RALYL: variants seen among roughly 807,000 people sequenced by gnomAD.
The protein encoded by RALYL is RNA-binding Raly-like protein.
In RALYL, 29 loss-of-function variants were observed where a neutral mutation model predicts 35.1. The ratio of observed to expected loss-of-function variants is 0.83; its 90% CI spans 0.61 to 1.13. The LOEUF is 1.13. RALYL is among the 50% of genes most tolerant of loss of function. The pLI is 0.00. For synonymous variants in RALYL, 120 were observed against 127.6 expected (o/e 0.94, Z 0.40); for missense variants, 359 against 360.4 (o/e 1.00, Z 0.03).
chr8:84,408,684 A>C (rs1416242702), intron 1 of RALYL, among the ~76,000 whole-genome samples: 1 of 152,188 alleles, frequency 6.6e-6, no homozygotes, highest in African/African-American at 2.4e-5. Context: ...GGAGACAACC[A>C]TGGACGCTTG....
At chr8:84,345,892 A>T (rs969076079) in intron 1 of RALYL, among the ~76,000 whole-genome samples, 1 of 152,096 alleles carries the variant, frequency 6.6e-6, no homozygotes, top group African/African-American at 2.4e-5. Context: ...GGTACCATGG[A>T]CTGTGCATCA....
chr8:84,664,759 G>A (rs770908150), intron 2 of RALYL, among the ~76,000 whole-genome samples: 10 of 151,880 alleles, frequency 6.6e-5, no homozygotes, highest in East Asian at 1.9e-4. Context: ...ATATAGGATC[G>A]TGTCATCTAC....
chr8:84,760,561 T>G (rs1277632388), intron 2 of RALYL, among the ~76,000 whole-genome samples: 1 of 152,184 alleles, frequency 6.6e-6, no homozygotes, highest in South Asian at 2.1e-4. Flanking sequence ...CCTATCACAG[T>G]TGGATTTTAA....
chr8:84,340,032 T>G (rs1848514428), intron 1 of RALYL, among the ~76,000 whole-genome samples: 1 of 152,116 alleles, frequency 6.6e-6, no homozygotes, highest in Admixed American at 6.6e-5. Context: ...TCATGAGATC[T>G]GATGGTTTTA....
At chr8:84,431,736 T>G (rs1190873878) in intron 1 of RALYL, among the ~76,000 whole-genome samples, 1 of 152,146 alleles carries the variant, frequency 6.6e-6, no homozygotes, top group East Asian at 1.9e-4. Context: ...ATTTCCTTTT[T>G]CTGTGGCTGA....
At chr8:84,883,028 T>G (rs150287430) in intron 7 of RALYL, among the ~76,000 whole-genome samples, 1 of 152,036 alleles carries the variant, frequency 6.6e-6, no homozygotes, top group Non-Finnish European at 1.5e-5. Flanking sequence ...GTTTAGTGAT[T>G]ATAATATTTC....
At chr8:84,480,880 A>C (rs1245310380) in intron 1 of RALYL, among the ~76,000 whole-genome samples, 4 of 152,164 alleles carry the variant, frequency 2.6e-5, no homozygotes, top group African/African-American at 9.6e-5. Context: ...TGACCTTATA[A>C]AGTAAGGAGC....
At chr8:84,331,560 G>C (rs1846830284) in intron 1 of RALYL, among the ~76,000 whole-genome samples, 1 of 152,096 alleles carries the variant, frequency 6.6e-6, no homozygotes, top group Non-Finnish European at 1.5e-5. Flanking sequence ...TATGCATCCA[G>C]AAGTGTTGGT....
chr8:84,192,653 G>C (rs1814199467), intron 1 of RALYL, among the ~76,000 whole-genome samples: 1 of 151,894 alleles, frequency 6.6e-6, no homozygotes, highest in Admixed American at 6.6e-5. Context: ...CGCTTACCAT[G>C]TTCAAGCAAT....
intron 2 of RALYL, among the ~76,000 whole-genome samples, chr8:84,698,117 C>G (rs967854918): frequency 1.4e-4 from 21 of 152,092 alleles, no homozygotes; most frequent in Non-Finnish European, 1.5e-5. Flanking sequence ...CAAACGTACA[C>G]ACTCCAGCTC....
rs542025568 is a variant in RALYL, at chr8:84,661,767, A to G, written c.257-112812A>G. On this transcript the variant is annotated intron_variant, in intron 2 of 8. Transcript: ENST00000521268. ...ATCTAGCAGTTTTCTTTCATTACAT[A>G]TATTTTTTGATAAGGAAGCTCCACC... Among the ~76,000 whole-genome samples, 6 of 152,090 alleles carry G rather than the reference A, an allele frequency of 3.9e-5. No homozygotes were observed. In the South Asian group the frequency reaches 1.2e-3, roughly 32 times the overall value.
intron 1 of RALYL, among the ~76,000 whole-genome samples, chr8:84,436,441 A>G (rs998886090): frequency 6.6e-6 from 1 of 151,658 alleles, no homozygotes; most frequent in African/African-American, 2.4e-5. Flanking sequence ...GATCAGTTTT[A>G]TATTGGGAAC....
chr8:84,528,244 T>A (rs1395092418), intron 1 of RALYL, among the ~76,000 whole-genome samples: 2 of 152,266 alleles, frequency 1.3e-5, no homozygotes, highest in East Asian at 3.9e-4. Context: ...ACTGTTACCT[T>A]GTTGAAATTT....
chr8:84,556,855 C>T (rs1163759050), intron 2 of RALYL, among the ~76,000 whole-genome samples: 2 of 152,074 alleles, frequency 1.3e-5, no homozygotes, highest in Non-Finnish European at 2.9e-5. Flanking sequence ...GAACACCGAC[C>T]ACACCGACCA....
At chr8:84,675,107 A>C (rs1267731993) in intron 2 of RALYL, among the ~76,000 whole-genome samples, 1 of 152,184 alleles carries the variant, frequency 6.6e-6, no homozygotes, top group Non-Finnish European at 1.5e-5. Flanking sequence ...CATAACAAAT[A>C]AGATTTATCG....
chr8:84,831,853 T>C (rs565897310), intron 4 of RALYL, among the ~76,000 whole-genome samples: 2 of 152,234 alleles, frequency 1.3e-5, no homozygotes, highest in East Asian at 3.9e-4. Flanking sequence ...AATCAGTTCT[T>C]TTTTGCTTCT....
chr8:84,461,140 A>G (rs1429214996), intron 1 of RALYL, among the ~76,000 whole-genome samples: 3 of 151,630 alleles, frequency 2.0e-5, no homozygotes, highest in Non-Finnish European at 4.4e-5. Flanking sequence ...TTTCTAAAAG[A>G]TTACTCTGAG....
intron 1 of RALYL, among the ~76,000 whole-genome samples, chr8:84,300,617 G>A (rs1243508825): frequency 1.3e-5 from 2 of 151,956 alleles, no homozygotes; most frequent in African/African-American, 4.8e-5. Flanking sequence ...TAATCTGGGT[G>A]CTCCTGTGTT....
chr8:84,814,518 A>G (rs1294858238), intron 4 of RALYL, among the ~76,000 whole-genome samples: 2 of 152,166 alleles, frequency 1.3e-5, no homozygotes, highest in African/African-American at 4.8e-5. Flanking sequence ...TATGCATCTC[A>G]TCTTAATATA....
Sources: allele counts gnomAD v4.1 joint callset (sites outside exome capture counted in the v4.1 genomes callset), GRCh38; gene constraint gnomAD v4.1.1; transcripts MANE v1.5; gene names NCBI Gene and HGNC (gene_info 2026-07-23, HGNC 2026-07-21).